HEXB: variants seen among roughly 807,000 people sequenced by gnomAD.
HEXB encodes the protein beta-hexosaminidase subunit beta.
In HEXB, 51 loss-of-function variants were observed where a neutral mutation model predicts 71.2. The observed-to-expected ratio is 0.72, with a 90% CI of 0.57 to 0.90. The LOEUF (loss-of-function observed/expected upper bound fraction) is 0.90, where lower values mean the gene tolerates loss of function less well. Among genes scored for constraint, HEXB ranks in the 40% least tolerant of loss-of-function variants. HEXB has a pLI of 0.00. For synonymous variants in HEXB, 266 were observed against 249.3 expected (o/e 1.07, Z -0.63); for missense variants, 617 against 677.0 (o/e 0.91, Z 0.98).
chr5:74,647,930 A>G (rs892250388), intron 1 of HEXB, among the ~76,000 whole-genome samples: 1 of 152,224 alleles, frequency 6.6e-6, no homozygotes, highest in Admixed American at 6.5e-5. Context: ...GTGATCTTAC[A>G]GTGTCTAGGC....
At chr5:74,678,191 G>C (rs1307643601) in intron 1 of HEXB, among the ~76,000 whole-genome samples, 2 of 152,020 alleles carry the variant, frequency 1.3e-5, no homozygotes, top group East Asian at 3.9e-4. Flanking sequence ...CCAGCTCCTT[G>C]GGAGGCTGAG....
intron 1 of HEXB, among the ~76,000 whole-genome samples, chr5:74,653,204 A>G (rs1296956094): frequency 2.6e-5 from 4 of 152,208 alleles, no homozygotes; most frequent in Non-Finnish European, 5.9e-5. Context: ...TGGCCCTTCA[A>G]GTACCATGAC....
At chr5:74,718,472 T>A in intron 10 of HEXB, 109 bp downstream of exon 10, 2 of 881,946 alleles carry the variant, frequency 2.3e-6, no homozygotes, top group Non-Finnish European at 3.9e-6. Context: ...TCTAGTGTAG[T>A]TAGTGACCAC....
chr5:74,671,704 A>T (rs1748543424), intron 1 of HEXB, among the ~76,000 whole-genome samples: 1 of 152,222 alleles, frequency 6.6e-6, no homozygotes, highest in Admixed American at 6.5e-5. Flanking sequence ...CACACTCAGT[A>T]AAACTGTAAA....
At chr5:74,685,691 C>A in intron 1 of HEXB, 132 bp downstream of exon 1, 1 of 771,146 alleles carries the variant, frequency 1.3e-6, no homozygotes, top group Non-Finnish European at 2.0e-6. Context: ...GGCGATCTGC[C>A]CAGCGCCACA....
chr5:74,693,859 A>C (rs567059326), intron 3 of HEXB, among the ~76,000 whole-genome samples, 155 bp downstream of exon 3: 347 of 152,336 alleles, frequency 2.3e-3, no homozygotes, highest in African/African-American at 8.1e-3. Context: ...AACATGTACT[A>C]CATAAAGCAT....
chr5:74,690,462 C>T (rs924749051), intron 2 of HEXB, among the ~76,000 whole-genome samples: 4 of 143,018 alleles, frequency 2.8e-5, no homozygotes, highest in African/African-American at 1.1e-4. Context: ...CCAGCCTGGC[C>T]AATATGCTGA....
intron 1 of HEXB, among the ~76,000 whole-genome samples, chr5:74,668,531 G>A (rs949713861): frequency 2.5e-4 from 38 of 152,146 alleles, no homozygotes; most frequent in African/African-American, 9.2e-4. Context: ...GCCTCTCTGA[G>A]CTTCATATTC....
chr5:74,681,925 C>G (rs778850167), upstream of HEXB, among the ~76,000 whole-genome samples: 3 of 152,232 alleles, frequency 2.0e-5, no homozygotes, highest in Non-Finnish European at 4.4e-5. Flanking sequence ...GTGGCTTCCT[C>G]TTTGCTGTCT....
chr5:74,667,376 G>A (rs968795606), intron 1 of HEXB, among the ~76,000 whole-genome samples: 2 of 151,828 alleles, frequency 1.3e-5, no homozygotes, highest in African/African-American at 4.8e-5. Flanking sequence ...CCGAAATCAC[G>A]CCATTGCACT....
intron 6 of HEXB, among the ~76,000 whole-genome samples, chr5:74,711,562 A>T (rs1329206901): frequency 6.6e-6 from 1 of 152,260 alleles, no homozygotes; most frequent in African/African-American, 2.4e-5. Context: ...TCCAGAATCT[A>T]CAATGAACAC....
intron 6 of HEXB, 112 bp downstream of exon 6, chr5:74,705,432 T>C (rs1749363520): frequency 2.7e-6 from 2 of 732,844 alleles, no homozygotes; most frequent in African/African-American, 3.5e-5. Flanking sequence ...AAAAATCAGA[T>C]GTTTATGGTT....
In HEXB at chr5:74,697,014, A is replaced by G. The variant is rs776543086; in HGVS notation, c.577A>G (p.Thr193Ala). Reference sequence around the variant, plus strand: ...GTCATAGTTCACCATCAATGAATCCACCATTATTGATTCTCCAAGGTTTTC... The same window carrying G: ...GTCATAGTTCACCATCAATGAATCCGCCATTATTGATTCTCCAAGGTTTTC... ...SYGTFTINES[T>A]IIDSPRFSHR... Residue 193 changes from threonine to alanine, a missense_variant, in exon 5 of 14, where the codon ACC (threonine) becomes GCC (alanine). Physicochemically the swap from Thr to Ala is moderately conservative, Grantham distance 58. Coordinates refer to ENST00000261416, the MANE Select transcript of HEXB (RefSeq NM_000521.4). 2 of 1,558,228 alleles carry G rather than the reference A, an allele frequency of 1.3e-6. No homozygotes were observed. Among genetic ancestry groups the G allele is most frequent in the East Asian group, 4.5e-5 (2 of 44,564 alleles).
chr5:74,688,085 TA>T (rs1223541427), intron 1 of HEXB, among the ~76,000 whole-genome samples: 1 of 152,194 alleles, frequency 6.6e-6, no homozygotes, highest in African/African-American at 2.4e-5. Context: ...TGATCTTTTT[TA>T]TTTAATGCCT....
intron 1 of HEXB, among the ~76,000 whole-genome samples, chr5:74,669,397 T>G (rs1748492430): frequency 6.6e-6 from 1 of 152,200 alleles, no homozygotes; most frequent in East Asian, 1.9e-4. Flanking sequence ...CACTTTCAAT[T>G]TCTTCTAGGT....
chr5:74,701,050 ATT>A (rs1192368441), intron 5 of HEXB, among the ~76,000 whole-genome samples: 4 of 137,236 alleles, frequency 2.9e-5, no homozygotes, highest in African/African-American at 5.3e-5. Context: ...CCCTGCTAAC[ATT>A]TTTTTTTTTT....
At chr5:74,649,631 A>G (rs1748066552) in intron 1 of HEXB, among the ~76,000 whole-genome samples, 1 of 152,162 alleles carries the variant, frequency 6.6e-6, no homozygotes, top group Admixed American at 6.5e-5. Context: ...CTAAGAAATG[A>G]TTTTCTTGGT....
In HEXB at chr5:74,719,074, C is replaced by T; in HGVS notation, c.1417+103C>T. 4.7e-6 allele frequency: 5 copies of T among 1,058,138 alleles called. No homozygotes were observed. In the South Asian group the frequency reaches 6.4e-5, roughly 14 times the overall value. The allele number at this position is 1,058,138 out of a possible 1,614,324, so 65.5% of individuals were successfully genotyped here. ...TTTTATGAGTTTTCTTCCCTAACCT[C>T]CCACCCCAGAAGTCTTTACCTAGAT... On this transcript the variant is annotated intron_variant, in intron 11 of 13. Coordinates refer to ENST00000261416, the MANE Select transcript of HEXB (RefSeq NM_000521.4).
intron 6 of HEXB, among the ~76,000 whole-genome samples, chr5:74,709,276 G>A (rs1348490711): frequency 1.3e-5 from 2 of 152,096 alleles, no homozygotes; most frequent in African/African-American, 2.4e-5. Flanking sequence ...CAGAATCTCT[G>A]GGACACATTC....
Sources: allele counts gnomAD v4.1 joint callset (sites outside exome capture counted in the v4.1 genomes callset), GRCh38; gene constraint gnomAD v4.1.1; transcripts MANE v1.5; gene names NCBI Gene and HGNC (gene_info 2026-07-23, HGNC 2026-07-21).